Variants in GRIK4 observed in about 807,000 individuals in gnomAD.
GRIK4 encodes the protein glutamate receptor ionotropic, kainate 4.
In GRIK4, 40 loss-of-function variants were observed where a neutral mutation model predicts 104.9. The observed-to-expected ratio is 0.38, with a 90% CI of 0.30 to 0.50. GRIK4 has a LOEUF of 0.50. GRIK4 is among the 20% of genes least tolerant of loss of function. The probability of loss-of-function intolerance (pLI) is 0.93; values close to 1 mark genes in which losing one functional copy is unlikely to be tolerated. For missense variants in GRIK4, 1,047 were observed against 1,308.1 expected, an observed-to-expected ratio of 0.80 and a Z score of 3.08; for synonymous variants, 485 against 524.9, an observed-to-expected ratio of 0.92 and a Z score of 1.04.
At chr11:120,712,575 C>T (rs1327620068) in intron 3 of GRIK4, among the ~76,000 whole-genome samples, 1 of 151,704 alleles carries the variant, frequency 6.6e-6, no homozygotes, top group Non-Finnish European at 1.5e-5. Context: ...ATCACTTGAG[C>T]CCAGGAGTTC....
chr11:120,542,685 G>A (rs1318903837), intron 1 of GRIK4, among the ~76,000 whole-genome samples: 1 of 152,134 alleles, frequency 6.6e-6, no homozygotes, highest in Non-Finnish European at 1.5e-5. Context: ...TAACCAACAG[G>A]TATATGAAGA....
chr11:120,905,239 G>C lies in GRIK4; in HGVS notation c.1273-51G>C. 1 of 1,370,146 alleles carries C rather than the reference G, an allele frequency of 7.3e-7. No homozygotes were observed. Among genetic ancestry groups the C allele is most frequent in the South Asian group, 1.2e-5 (1 of 86,326 alleles). The allele number at this position is 1,370,146 out of a possible 1,614,324, so 84.9% of individuals were successfully genotyped here. The stretch of plus-strand genomic sequence containing the variant: ...CCCTGGCCCTCCCCATCACACGCGG[G>C]TGAGACACCAGGGCTAAGATGAGAA... On this transcript the variant is annotated intron_variant, in intron 12 of 20. Coordinates refer to ENST00000527524, the MANE Select transcript of GRIK4 (RefSeq NM_014619.5). This position sits in a 1 kb window ranked among gnomAD's most constrained non-coding sequence, Gnocchi z 5.1.
intron 1 of GRIK4, among the ~76,000 whole-genome samples, chr11:120,554,858 C>T (rs1026075537): frequency 6.6e-6 from 1 of 152,188 alleles, no homozygotes; most frequent in South Asian, 2.1e-4. Context: ...CGCGCCTGGC[C>T]CCTTCCAGTC....
At chr11:120,977,093 T>G (rs573407298) in intron 19 of GRIK4, among the ~76,000 whole-genome samples, 13 of 152,350 alleles carry the variant, frequency 8.5e-5, no homozygotes, top group Admixed American at 5.2e-4. Flanking sequence ...TATCATTTTT[T>G]GGGCAAAATA....
At chr11:120,810,334 T>C (rs11824263) in intron 4 of GRIK4, among the ~76,000 whole-genome samples, 16,824 of 152,222 alleles carry the variant, frequency 0.11, 2,975 homozygotes, top group African/African-American at 0.37. Context: ...AAACTTTCCT[T>C]TCTTGGGAAC....
intron 3 of GRIK4, among the ~76,000 whole-genome samples, chr11:120,735,117 G>T (rs1416422327): frequency 3.9e-5 from 6 of 152,150 alleles, no homozygotes; most frequent in African/African-American, 1.4e-4. Flanking sequence ...TTCCTGGCTG[G>T]TCTTGATGCT....
At chr11:120,650,069 C>A (rs1949597927) in intron 1 of GRIK4, among the ~76,000 whole-genome samples, 1 of 152,182 alleles carries the variant, frequency 6.6e-6, no homozygotes, top group African/African-American at 2.4e-5. Flanking sequence ...CTTCCCATCC[C>A]ACAGGTGGAA....
chr11:120,545,570 C>T (rs190790870), intron 1 of GRIK4, among the ~76,000 whole-genome samples: 27 of 152,260 alleles, frequency 1.8e-4, no homozygotes, highest in Admixed American at 1.1e-3. Context: ...GACTCAGGGA[C>T]GTTAAGTAAC....
At chr11:120,722,993 G>A (rs78316744) in intron 3 of GRIK4, among the ~76,000 whole-genome samples, 2 of 152,150 alleles carry the variant, frequency 1.3e-5, no homozygotes, top group East Asian at 3.8e-4. Context: ...ATCCGTAAAT[G>A]GTGCTTCGTA....
intron 3 of GRIK4, among the ~76,000 whole-genome samples, chr11:120,725,360 A>C (rs867783842): frequency 1.3e-5 from 2 of 152,188 alleles, no homozygotes; most frequent in Non-Finnish European, 2.9e-5. Flanking sequence ...CCAGGGCTTT[A>C]GTCTAGGTCC....
chr11:120,606,172 C>CTGAAGTTTT (rs2135139126), intron 1 of GRIK4, among the ~76,000 whole-genome samples: 1 of 152,262 alleles, frequency 6.6e-6, no homozygotes, highest in South Asian at 2.1e-4. Context: ...TATGTTTTGA[C>CTGAAGTTTT]GCCTCATTTG....
chr11:120,962,823 G>GT (rs11306910), intron 18 of GRIK4, 142 bp downstream of exon 18: 13,493 of 449,048 alleles, frequency 0.03, 48 homozygotes, highest in African/African-American at 0.067. Flanking sequence ...GCATTCTAAA[G>GT]TTTTTTTTTT....
At chr11:120,842,633 T>C (rs910439409) in intron 8 of GRIK4, among the ~76,000 whole-genome samples, 1 of 152,244 alleles carries the variant, frequency 6.6e-6, no homozygotes, top group African/African-American at 2.4e-5. Flanking sequence ...AGCACTTAGT[T>C]ATAAGGATGT....
At chr11:120,599,285 A>G (rs1948848679) in intron 1 of GRIK4, among the ~76,000 whole-genome samples, 1 of 152,188 alleles carries the variant, frequency 6.6e-6, no homozygotes, top group East Asian at 1.9e-4. Context: ...ATTGTTATTA[A>G]TATTTCCCTG....
At position 120,967,475 on chromosome 11, in the gene GRIK4, C is replaced by A; in HGVS notation, c.2395+152C>A. The A allele has an allele frequency of 1.3e-6, 1 of 752,742 alleles. No individual in the cohort carries two copies. The highest frequency in any genetic ancestry group is 2.1e-6 in the Non-Finnish European group (1 of 486,588). 46.6% of individuals were successfully genotyped at this position (752,742 alleles called of 1,614,324 possible). The stretch of plus-strand genomic sequence containing the variant: ...GGTATAAAGTGGGCTGGCGGGGGAT[C>A]AGGTCTGTCCCAGGGTCTTGCGTAT... On this transcript the variant is annotated intron_variant, in intron 19 of 20. Coordinates refer to ENST00000527524, the MANE Select transcript of GRIK4 (RefSeq NM_014619.5). This position sits in a 1 kb window ranked among gnomAD's most constrained non-coding sequence, Gnocchi z 4.2.
At position 120,902,068 on chromosome 11, in the gene GRIK4, G is replaced by A. The variant is rs1236801059; in HGVS notation, c.1273-3222G>A. On this transcript the variant is annotated intron_variant, in intron 12 of 20. Coordinates refer to ENST00000527524, the MANE Select transcript of GRIK4 (RefSeq NM_014619.5). The surrounding 1 kb of genome is among the most constrained non-coding windows in gnomAD (Gnocchi z 4.5). ...TCAGTTCCCAGGTGACCATCTGTGG[G>A]TTTTCCCTGGCAAATGGTAATCCCG... Among the ~76,000 whole-genome samples, 1 of 152,166 alleles carries A rather than the reference G, an allele frequency of 6.6e-6. No individual in the cohort carries two copies. Among genetic ancestry groups the A allele is most frequent in the Non-Finnish European group, 1.5e-5 (1 of 68,024 alleles).
chr11:120,522,217 C>A (rs562792202), intron 1 of GRIK4, among the ~76,000 whole-genome samples: 1 of 152,222 alleles, frequency 6.6e-6, no homozygotes, highest in East Asian at 1.9e-4. Flanking sequence ...GCACCCAGTG[C>A]CTTGCCCGGC....
chr11:120,692,738 C>CT (rs1008009434), intron 3 of GRIK4, among the ~76,000 whole-genome samples: 6 of 152,076 alleles, frequency 3.9e-5, no homozygotes, highest in Middle Eastern at 3.4e-3. Flanking sequence ...ACAGGCAACT[C>CT]TTTTTTTTCT....
At chr11:120,874,965 A>G (rs75761482) in intron 10 of GRIK4, among the ~76,000 whole-genome samples, 174 bp from the exon 11 acceptor site, 6,094 of 152,280 alleles carry the variant, frequency 0.04, 398 homozygotes, top group African/African-American at 0.14. Context: ...AATTGTCTCC[A>G]CAGACATCAC....
Sources: allele counts gnomAD v4.1 joint callset (sites outside exome capture counted in the v4.1 genomes callset), GRCh38; gene constraint gnomAD v4.1.1; non-coding constraint Gnocchi (gnomAD v3.1); transcripts MANE v1.5; gene names NCBI Gene and HGNC (gene_info 2026-07-23, HGNC 2026-07-21).